Variants in MISP observed in about 807,000 individuals in gnomAD.
MISP encodes mitotic spindle positioning.
In MISP, 51 loss-of-function variants were observed where a neutral mutation model predicts 49.3. The ratio of observed to expected loss-of-function variants is 1.03; its 90% CI spans 0.83 to 1.31. The LOEUF is 1.31. Among genes scored for constraint, MISP ranks in the 50% most tolerant of loss-of-function variants. MISP has a pLI of 0.00. For synonymous variants in MISP, 444 were observed against 392.6 expected, an observed-to-expected ratio of 1.13 and a Z score of -1.55; for missense variants, 1,084 against 935.1, an observed-to-expected ratio of 1.16 and a Z score of -2.08.
Position 763,660 on chromosome 19 carries a change from GC to G in MISP, c.*75del. 1 of 1,143,212 alleles carries G rather than the reference GC, an allele frequency of 8.7e-7. No homozygotes were observed. The highest frequency in any genetic ancestry group is 1.3e-6 in the Non-Finnish European group (1 of 774,908). 70.8% of individuals were successfully genotyped at this position (1,143,212 alleles called of 1,614,324 possible). ...TGGGAACTGCCAAGACCATCGCCAA[GC>G]CCCCACCCTAGGAAATGGGTCCTAG... On this transcript the variant is annotated 3_prime_UTR_variant, in exon 5 of 5. Coordinates refer to ENST00000215582, the MANE Select transcript of MISP (RefSeq NM_173481.4).
In MISP at chr19:763,496, T is replaced by A; in HGVS notation, c.1951-5T>A. 1 of 1,612,632 alleles carries A rather than the reference T, an allele frequency of 6.2e-7. No individual in the cohort carries two copies. The highest frequency in any genetic ancestry group is 8.5e-7 in the Non-Finnish European group (1 of 1,178,692). On this transcript the variant is annotated splice_region_variant and splice_polypyrimidine_tract_variant and intron_variant, in intron 4 of 4. Transcript: ENST00000215582. ...ATCGGGGGAATTCATGCCTCCTTTT[T>A]GCAGGTCCTGGAAGCCATACGGGTG...
chr19:761,913 CCAAA>C (rs559635459), intron 4 of MISP, among the ~76,000 whole-genome samples: 61 of 152,208 alleles, frequency 4.0e-4, no homozygotes, highest in Non-Finnish European at 7.4e-4. Flanking sequence ...AGGTTAGACC[CCAAA>C]CAAAGGCAAT....
intron 4 of MISP, among the ~76,000 whole-genome samples, chr19:761,991 A>G (rs925252092): frequency 6.6e-6 from 1 of 151,988 alleles, no homozygotes; most frequent in Non-Finnish European, 1.5e-5. Flanking sequence ...TCTGTCGCCC[A>G]GGCTGGAGTG....
rs776869493 is a variant in MISP at position 756,939 on chromosome 19, C to A, written c.-8C>A. ...GGGAGGAAGGCTGAGGCCAAGACCC[C>A]GGAAGAGATGGACCGCGTGACCAGA... On this transcript the variant is annotated 5_prime_UTR_variant, in exon 2 of 5. Coordinates refer to ENST00000215582, the MANE Select transcript of MISP (RefSeq NM_173481.4). 2.6e-6 allele frequency: 4 copies of A among 1,530,484 alleles called. No individual in the cohort carries two copies. The highest frequency in any genetic ancestry group is 3.5e-6 in the Non-Finnish European group (4 of 1,133,672). 94.8% of individuals were successfully genotyped at this position (1,530,484 alleles called of 1,614,324 possible).
chr19:762,091 G>A (rs2033681735), intron 4 of MISP, among the ~76,000 whole-genome samples: 2 of 149,602 alleles, frequency 1.3e-5, no homozygotes, highest in Admixed American at 1.3e-4. Context: ...GGGACTACAG[G>A]CGCCCACCAC....
chr19:750,726 G>A (rs1212342333), upstream of MISP, among the ~76,000 whole-genome samples: 1 of 152,148 alleles, frequency 6.6e-6, no homozygotes, highest in Non-Finnish European at 1.5e-5. Context: ...GGCTGGGCCA[G>A]AAGGCACGGA....
At chr19:762,254 G>A (rs990827060) in intron 4 of MISP, among the ~76,000 whole-genome samples, 1 of 131,656 alleles carries the variant, frequency 7.6e-6, no homozygotes, top group Non-Finnish European at 1.6e-5. Context: ...GCCCGGCCAA[G>A]GCAATGTTTT....
upstream of MISP, among the ~76,000 whole-genome samples, chr19:750,891 C>G (rs1231499637): frequency 1.3e-5 from 2 of 152,212 alleles, no homozygotes; most frequent in African/African-American, 2.4e-5. Flanking sequence ...CGGCTGAGTT[C>G]TGGCTCCTCG....
upstream of MISP, among the ~76,000 whole-genome samples, chr19:749,790 C>T (rs1315826126): frequency 6.6e-6 from 1 of 152,060 alleles, no homozygotes; most frequent in Non-Finnish European, 1.5e-5. Flanking sequence ...TGCCACTGCA[C>T]TCCAGCCTGG....
At position 757,736 on chromosome 19, in the gene MISP, G is replaced by C. The variant is rs765903887; in HGVS notation, c.790G>C (p.Val264Leu). The change falls in exon 2 of 5, where the codon GTG (valine) becomes CTG (leucine). Residue 264 changes from valine to leucine, a missense_variant. Physicochemically the swap from Val to Leu is conservative, Grantham distance 32. Coordinates refer to ENST00000215582, the MANE Select transcript of MISP (RefSeq NM_173481.4). The part of the protein sequence containing the change: ...VVREENKVRA[V>L]PTWASVQVVD... ...CAGGGAAGAGAACAAGGTGCGTGCT[G>C]TGCCCACCTGGGCCAGTGTCCAAGT... The C allele has an allele frequency of 6.2e-7, 1 of 1,613,888 alleles. No individual in the cohort carries two copies. Among genetic ancestry groups the C allele is most frequent in the South Asian group, 1.1e-5 (1 of 91,086 alleles).
At chr19:760,161 C>A in intron 3 of MISP, 122 bp downstream of exon 3, 1 of 1,141,032 alleles carries the variant, frequency 8.8e-7, no homozygotes, top group Non-Finnish European at 1.2e-6. Context: ...CCACCCCTGG[C>A]CGTGCCTCAG....
In MISP at chr19:759,963, T is replaced by C; in HGVS notation, c.1835T>C (p.Leu612Pro). 5 of 1,614,058 alleles carry C rather than the reference T, an allele frequency of 3.1e-6. No homozygotes were observed. Among genetic ancestry groups the C allele is most frequent in the Non-Finnish European group, 4.2e-6 (5 of 1,179,950 alleles). The change falls in exon 3 of 5, where the codon CTA becomes CCA. Residue 612 changes from leucine to proline, a missense_variant. Coordinates refer to ENST00000215582, the MANE Select transcript of MISP (RefSeq NM_173481.4). ...TCTCCCTTCTTCAGCCCCATCCACC[T>C]ACACTCAAACGTGGCGTGGACAGTG... Reference protein sequence around the residue: ...SESPFFSPIHLHSNVAWTVED... With the variant: ...SESPFFSPIHPHSNVAWTVED...
In MISP at chr19:757,599, G is replaced by A. The variant is rs550618304; in HGVS notation, c.653G>A (p.Gly218Glu). 11 of 1,612,756 alleles carry A rather than the reference G, an allele frequency of 6.8e-6. No homozygotes were observed. Among genetic ancestry groups the A allele is most frequent in the South Asian group, 6.6e-5 (6 of 90,908 alleles). The change falls in exon 2 of 5, where the codon GGG (glycine) becomes GAG (glutamate). Residue 218 changes from glycine to glutamate, a missense_variant. Physicochemically the swap from Gly to Glu is moderately conservative, Grantham distance 98 (BLOSUM62 -2). Transcript: ENST00000215582. Reference sequence around the variant, plus strand: ...GCCCCTCATAGCTCCCCGGCCAGGGGGACCCCTGCAGGCACAACCCCAGGG... The same window carrying A: ...GCCCCTCATAGCTCCCCGGCCAGGGAGACCCCTGCAGGCACAACCCCAGGG... ...KGAPHSSPAR[G>E]TPAGTTPGAS...
At chr19:756,636 A>C (rs1196891729) in intron 1 of MISP, among the ~76,000 whole-genome samples, 1 of 149,344 alleles carries the variant, frequency 6.7e-6, no homozygotes, top group Admixed American at 6.6e-5. Context: ...GTACTGTGTC[A>C]CGCACCCCTA....
intron 4 of MISP, 54 bp from the exon 5 acceptor site, chr19:763,447 T>A: frequency 7.6e-7 from 1 of 1,316,790 alleles, no homozygotes; most frequent in Non-Finnish European, 1.1e-6. Flanking sequence ...GGAGGAGACA[T>A]CTTGGGGGTG....
upstream of MISP, among the ~76,000 whole-genome samples, chr19:748,627 TCA>T: frequency 6.6e-6 from 1 of 152,054 alleles, no homozygotes; most frequent in Admixed American, 6.5e-5. Flanking sequence ...TTTGCTGGGC[TCA>T]CAGCCCCTGG....
rs1436669209 is a variant in MISP at position 764,240 on chromosome 19, T to A, written c.*650T>A. On this transcript the variant is annotated 3_prime_UTR_variant, in exon 5 of 5. Transcript: ENST00000215582. ...TGGTCCCCTTCACCTGGGAGAAAAG[T>A]GACCCAGTTTAGGAGCTGGAGGGGG... is the stretch of plus-strand genomic sequence containing the variant. 1 of 152,236 alleles carries A rather than the reference T, an allele frequency of 6.6e-6. No individual in the cohort carries two copies. The highest frequency in any genetic ancestry group is 2.4e-5 in the African/African-American group (1 of 41,438). 9.4% of individuals were successfully genotyped at this position (152,236 alleles called of 1,614,324 possible).
At chr19:753,300 C>G (rs533850851) in intron 1 of MISP, among the ~76,000 whole-genome samples, 1 of 152,132 alleles carries the variant, frequency 6.6e-6, no homozygotes, top group Admixed American at 6.5e-5. Context: ...AGTTTCAACA[C>G]GGCTCCCCAC....
chr19:750,122 C>T (rs540302966), upstream of MISP, among the ~76,000 whole-genome samples: 2 of 150,598 alleles, frequency 1.3e-5, no homozygotes, highest in African/African-American at 2.4e-5. Flanking sequence ...GGACCATGGG[C>T]GCCTGAGGGC....
Sources: gnomAD v4.1 joint callset for allele counts (sites outside exome capture counted in the v4.1 genomes callset) on GRCh38, gnomAD v4.1.1 for gene constraint, MANE v1.5 for transcripts, NCBI Gene and HGNC (gene_info 2026-07-23, HGNC 2026-07-21) for gene names.